Variants in CLOCK observed in about 807,000 individuals in gnomAD.
The protein encoded by CLOCK is circadian locomoter output cycles protein kaput.
Under a neutral mutation model 118.4 loss-of-function variants are expected in CLOCK, and 43 were observed. The observed-to-expected ratio is 0.36, with a 90% CI of 0.28 to 0.47. The LOEUF (loss-of-function observed/expected upper bound fraction) is 0.47. CLOCK is among the 20% of genes least tolerant of loss of function. The pLI, the probability that CLOCK is intolerant of heterozygous loss-of-function variation, is 1.00. For missense variants in CLOCK, 846 were observed against 999.9 expected (o/e 0.85, Z 2.08); for synonymous variants, 326 against 339.2 (o/e 0.96, Z 0.43).
rs1722331065 is a variant in CLOCK at position 55,428,580 on chromosome 4, ATC to A, written c.*6833_*6834del. 6.6e-6 allele frequency: 1 copy of A among 152,194 alleles called. No homozygotes were observed. The highest frequency in any genetic ancestry group is 1.5e-5 in the Non-Finnish European group (1 of 68,030). The allele number at this position is 152,194 out of a possible 1,614,324, so 9.4% of individuals were successfully genotyped here. On this transcript the variant is annotated 3_prime_UTR_variant, in exon 23 of 23. Transcript: ENST00000513440. ...TAGTAAAGGGTATTCTTATCTCAAGATCAATTAGCCGTTTTTAGCTCCACCGT... is the reference window on the plus strand; with the variant it reads ...TAGTAAAGGGTATTCTTATCTCAAGAAATTAGCCGTTTTTAGCTCCACCGT...
At chr4:55,540,510 C>T (rs1216945166) in intron 1 of CLOCK, 1 of 152,094 alleles carries the variant, frequency 6.6e-6, no homozygotes, top group African/African-American at 2.4e-5. Context: ...GTATATCCCC[C>T]ATGTGTGCTT....
chr4:55,437,709 G>A (rs1722994306), intron 22 of CLOCK, among the ~76,000 whole-genome samples: 2 of 152,112 alleles, frequency 1.3e-5, no homozygotes, highest in Admixed American at 1.3e-4. Context: ...CCTGCCAAAG[G>A]TCACGCAGTA....
intron 2 of CLOCK, among the ~76,000 whole-genome samples, chr4:55,505,908 A>T (rs1728766719): frequency 6.6e-6 from 1 of 151,772 alleles, no homozygotes; most frequent in African/African-American, 2.4e-5. Flanking sequence ...TTTTTGAACC[A>T]TTTGAAAGTA....
chr4:55,518,215 T>C (rs1194916000), intron 1 of CLOCK, among the ~76,000 whole-genome samples: 1 of 152,060 alleles, frequency 6.6e-6, no homozygotes, highest in Non-Finnish European at 1.5e-5. Flanking sequence ...GAAAGTTAAA[T>C]AAGGCAGATA....
chr4:55,529,094 A>G (rs1029661934), intron 1 of CLOCK, among the ~76,000 whole-genome samples: 2 of 152,200 alleles, frequency 1.3e-5, no homozygotes, highest in African/African-American at 4.8e-5. Flanking sequence ...TGAACTAACA[A>G]TAAGGATCCC....
chr4:55,448,598 G>A (rs562128522), intron 18 of CLOCK, among the ~76,000 whole-genome samples, 181 bp downstream of exon 18: 2 of 74,012 alleles, frequency 2.7e-5, no homozygotes, highest in East Asian at 5.4e-4. Context: ...GCGCGCACGC[G>A]CGCGTGTGTG....
chr4:55,538,778 A>G (rs1731066772), intron 1 of CLOCK, among the ~76,000 whole-genome samples: 1 of 152,262 alleles, frequency 6.6e-6, no homozygotes. Flanking sequence ...CCAAGGAAAA[A>G]TAAAAGACAC....
chr4:55,532,863 C>T (rs192265990), intron 1 of CLOCK, among the ~76,000 whole-genome samples: 9 of 151,264 alleles, frequency 5.9e-5, no homozygotes, highest in Admixed American at 4.0e-4. Flanking sequence ...GAAAAGGGGT[C>T]GGGTCGGGGG....
At chr4:55,545,795 C>G (rs577857566) in intron 1 of CLOCK, 2 of 152,304 alleles carry the variant, frequency 1.3e-5, no homozygotes. Context: ...CTCCAGAAAA[C>G]CCAGCTTCAC....
intron 1 of CLOCK, among the ~76,000 whole-genome samples, chr4:55,533,825 C>G (rs1361761113): frequency 6.6e-6 from 1 of 152,184 alleles, no homozygotes; most frequent in African/African-American, 2.4e-5. Context: ...ACAGCTTGAA[C>G]CTGGGAGGCA....
intron 11 of CLOCK, among the ~76,000 whole-genome samples, chr4:55,457,756 T>C (rs1725018494): frequency 6.6e-6 from 1 of 152,146 alleles, no homozygotes; most frequent in African/African-American, 2.4e-5. Flanking sequence ...TCTGTAATAG[T>C]TGAGAGCTTG....
chr4:55,545,881 C>G (rs1175595679), intron 1 of CLOCK: 3 of 152,264 alleles, frequency 2.0e-5, no homozygotes, highest in Non-Finnish European at 4.4e-5. Flanking sequence ...GAAGAGAAAC[C>G]GAGCGCCTCG....
intron 7 of CLOCK, 90 bp from the exon 8 acceptor site, chr4:55,470,896 T>TA: frequency 1.1e-6 from 1 of 891,218 alleles, no homozygotes; most frequent in Non-Finnish European, 1.8e-6. Context: ...ACAAAGGATT[T>TA]AATATGGAAA....
chr4:55,518,107 G>T lies in CLOCK; in HGVS notation c.-289-8042C>A, dbSNP rs566500833. Among the ~76,000 whole-genome samples, 8 of 152,276 alleles carry T rather than the reference G, an allele frequency of 5.3e-5. No individual in the cohort carries two copies. The South Asian group carries it at 1.5e-3, about 28-fold the overall frequency. On this transcript the variant is annotated intron_variant, in intron 1 of 22. Coordinates refer to ENST00000513440, the MANE Select transcript of CLOCK (RefSeq NM_004898.4). ...CTTACTATGAGTTGTGGTCATAGAA[G>T]TTTGGGAGCTATTGTTTCAGCTTTA...
intron 1 of CLOCK, among the ~76,000 whole-genome samples, chr4:55,543,131 T>C (rs929571352): frequency 1.3e-5 from 2 of 152,192 alleles, no homozygotes; most frequent in African/African-American, 2.4e-5. Flanking sequence ...TTGCCCAGGC[T>C]GGTCCTGAAA....
chr4:55,457,915 G>C (rs1254932937), intron 11 of CLOCK, among the ~76,000 whole-genome samples: 1 of 151,448 alleles, frequency 6.6e-6, no homozygotes. Context: ...TAACTTATAG[G>C]GTTGTCATAA....
chr4:55,486,747 A>G (rs1192716483), intron 3 of CLOCK, among the ~76,000 whole-genome samples: 8 of 152,080 alleles, frequency 5.3e-5, no homozygotes, highest in Non-Finnish European at 2.9e-5. Context: ...CTGATTACTG[A>G]TCCTTTAGAT....
At chr4:55,472,839 T>C (rs1443457342) in intron 7 of CLOCK, among the ~76,000 whole-genome samples, 1 of 152,122 alleles carries the variant, frequency 6.6e-6, no homozygotes, top group Non-Finnish European at 1.5e-5. Context: ...TTTGCTAATA[T>C]AGAAGTAGAA....
chr4:55,530,620 C>T (rs139125810), intron 1 of CLOCK, among the ~76,000 whole-genome samples: 231 of 151,448 alleles, frequency 1.5e-3, no homozygotes, highest in Non-Finnish European at 2.5e-3. Flanking sequence ...ATTAAAAATA[C>T]AAAAATTAGC....
Sources: gnomAD v4.1 joint callset for allele counts (sites outside exome capture counted in the v4.1 genomes callset) on GRCh38, gnomAD v4.1.1 for gene constraint, MANE v1.5 for transcripts, NCBI Gene and HGNC (gene_info 2026-07-23, HGNC 2026-07-21) for gene names.